The following PRKCA variants were observed in gnomAD, a reference collection of about 807,000 sequenced individuals.
PRKCA encodes protein kinase C alpha type.
PRKCA carries 27 observed loss-of-function variants against 87.0 expected under a neutral mutation model. The observed-to-expected ratio is 0.31, with a 90% CI of 0.23 to 0.43. The LOEUF is 0.43. PRKCA is among the 20% of genes least tolerant of loss of function. The pLI is 1.00. For missense variants in PRKCA, 518 were observed against 852.3 expected (o/e 0.61, Z 4.88); for synonymous variants, 329 against 311.1 (o/e 1.06, Z -0.61).
At position 66,377,694 on chromosome 17, in the gene PRKCA, C is replaced by T. The variant is rs1272796577; in HGVS notation, c.205+71567C>T. Among the ~76,000 whole-genome samples, 172 of 76,974 alleles carry T rather than the reference C, an allele frequency of 2.2e-3. 1 individual carries two copies. Among genetic ancestry groups the T allele is most frequent in the African/African-American group, 7.3e-3 (157 of 21,646 alleles). The allele number at this position is 76,974 out of a possible 152,430, so 50.5% of individuals were successfully genotyped here. ...AATGTCTATTATATATATATAAAGT[C>T]TATGTTTTATATATATATATATATA... On this transcript the variant is annotated intron_variant, in intron 2 of 16. Coordinates refer to ENST00000413366, the MANE Select transcript of PRKCA (RefSeq NM_002737.3).
chr17:66,699,163 G>A (rs1300957803), intron 8 of PRKCA, among the ~76,000 whole-genome samples: 2 of 141,536 alleles, frequency 1.4e-5, no homozygotes, highest in Non-Finnish European at 3.0e-5. Context: ...TTGTGCGTGT[G>A]AATAGCCAGT....
chr17:66,388,761 C>A (rs1038532056), intron 2 of PRKCA, among the ~76,000 whole-genome samples: 4 of 152,192 alleles, frequency 2.6e-5, no homozygotes, highest in African/African-American at 9.7e-5. Flanking sequence ...GGGGCAGCTG[C>A]ACCTTCCTAT....
intron 3 of PRKCA, among the ~76,000 whole-genome samples, chr17:66,560,695 C>T (rs896307411): frequency 5.3e-5 from 8 of 152,206 alleles, no homozygotes; most frequent in Admixed American, 2.0e-4. Flanking sequence ...TCTATTTCCT[C>T]CCAGCTCTGT....
intron 13 of PRKCA, among the ~76,000 whole-genome samples, chr17:66,743,672 G>T (rs529546082): frequency 6.6e-6 from 1 of 152,166 alleles, no homozygotes; most frequent in Admixed American, 6.5e-5. Context: ...CAGTCCTATG[G>T]ATGCCACAGT....
At chr17:66,786,075 G>A (rs577377257) in intron 14 of PRKCA, among the ~76,000 whole-genome samples, 74 of 152,306 alleles carry the variant, frequency 4.9e-4, no homozygotes, top group African/African-American at 1.3e-3. Context: ...TGATCCGCCC[G>A]CCTCGGCCTC....
At chr17:66,766,145 C>T (rs144628766) in intron 13 of PRKCA, among the ~76,000 whole-genome samples, 3 of 152,296 alleles carry the variant, frequency 2.0e-5, no homozygotes, top group Non-Finnish European at 2.9e-5. Flanking sequence ...ACGAGAAAAA[C>T]GAGCCTTGGC....
chr17:66,704,239 A>G (rs1189506601), intron 8 of PRKCA, among the ~76,000 whole-genome samples: 1 of 151,596 alleles, frequency 6.6e-6, no homozygotes, highest in Non-Finnish European at 1.5e-5. Flanking sequence ...CACCACCACT[A>G]TTGATTTGGT....
Position 66,792,963 on chromosome 17 carries a change from T to C in PRKCA, c.1854+3984T>C, listed in dbSNP as rs759012251. Among the ~76,000 whole-genome samples the C allele has an allele frequency of 9.2e-5, 14 of 152,158 alleles. No homozygotes were observed. The highest frequency in any genetic ancestry group is 2.1e-4 in the Non-Finnish European group (14 of 68,022). On this transcript the variant is annotated intron_variant, in intron 16 of 16. Transcript: ENST00000413366. The surrounding 1 kb of genome is among the most constrained non-coding windows in gnomAD (Gnocchi z 4.5). Reference sequence around the variant, plus strand: ...CATGTCTGTCCCTAAAAAGCTACCATGTGCCACCGTGAAGATGATGATTTT... The same window carrying C: ...CATGTCTGTCCCTAAAAAGCTACCACGTGCCACCGTGAAGATGATGATTTT...
chr17:66,380,852 A>G (rs1443569574), intron 2 of PRKCA, among the ~76,000 whole-genome samples: 1 of 152,218 alleles, frequency 6.6e-6, no homozygotes, highest in Non-Finnish European at 1.5e-5. Flanking sequence ...CCAAAATAAA[A>G]AGCAAAACCA....
At chr17:66,518,503 A>G (rs1444102452) in intron 3 of PRKCA, among the ~76,000 whole-genome samples, 2 of 152,198 alleles carry the variant, frequency 1.3e-5, no homozygotes, top group Non-Finnish European at 2.9e-5. Flanking sequence ...TTACCACAGC[A>G]TTTGAACTGT....
At chr17:66,385,101 T>G (rs1411787636) in intron 2 of PRKCA, among the ~76,000 whole-genome samples, 2 of 152,200 alleles carry the variant, frequency 1.3e-5, no homozygotes, top group Non-Finnish European at 2.9e-5. Context: ...GGTTGGGTGG[T>G]TGTGTAGTAC....
At chr17:66,578,869 G>C (rs914769845) in intron 3 of PRKCA, among the ~76,000 whole-genome samples, 1 of 152,168 alleles carries the variant, frequency 6.6e-6, no homozygotes, top group South Asian at 2.1e-4. Context: ...TCCCCATGCC[G>C]ACACTCATCT....
At chr17:66,740,390 C>G (rs77424968) in intron 11 of PRKCA, among the ~76,000 whole-genome samples, 1 of 152,092 alleles carries the variant, frequency 6.6e-6, no homozygotes, top group Non-Finnish European at 1.5e-5. Context: ...GAGTTTAGTT[C>G]CGCAGTGAGG....
At chr17:66,371,857 A>G (rs1909127948) in intron 2 of PRKCA, among the ~76,000 whole-genome samples, 1 of 152,224 alleles carries the variant, frequency 6.6e-6, no homozygotes, top group African/African-American at 2.4e-5. Context: ...GGCACAAGGC[A>G]AGTCTTCCGA....
chr17:66,566,849 G>T (rs375164783), intron 3 of PRKCA, among the ~76,000 whole-genome samples: 1 of 152,134 alleles, frequency 6.6e-6, no homozygotes, highest in East Asian at 1.9e-4. Flanking sequence ...GAGAGCTTGG[G>T]GTTAGGCAGT....
intron 5 of PRKCA, among the ~76,000 whole-genome samples, chr17:66,666,011 TG>T (rs527281911): frequency 4.6e-5 from 7 of 152,310 alleles, no homozygotes; most frequent in Admixed American, 4.6e-4. Flanking sequence ...TAGTCCTGAC[TG>T]GGCAGTCCAT....
At chr17:66,555,499 A>G (rs1020322559) in intron 3 of PRKCA, among the ~76,000 whole-genome samples, 5 of 152,212 alleles carry the variant, frequency 3.3e-5, no homozygotes, top group African/African-American at 9.6e-5. Context: ...TGAACAGAGA[A>G]GCAGGATTGC....
chr17:66,529,944 A>G (rs1967482772), intron 3 of PRKCA, among the ~76,000 whole-genome samples: 1 of 152,112 alleles, frequency 6.6e-6, no homozygotes, highest in Non-Finnish European at 1.5e-5. Flanking sequence ...TGGTTCTTTA[A>G]CTGTCATCCC....
chr17:66,551,978 G>T (rs1167365929), intron 3 of PRKCA, among the ~76,000 whole-genome samples: 1 of 152,116 alleles, frequency 6.6e-6, no homozygotes, highest in Non-Finnish European at 1.5e-5. Context: ...TATTTACAGT[G>T]TATATATTTA....
Sources: allele counts gnomAD v4.1 joint callset (sites outside exome capture counted in the v4.1 genomes callset), GRCh38; gene constraint gnomAD v4.1.1; non-coding constraint Gnocchi (gnomAD v3.1); transcripts MANE v1.5; gene names NCBI Gene and HGNC (gene_info 2026-07-23, HGNC 2026-07-21).